The following PTPRS variants were observed in gnomAD, a reference collection of about 807,000 sequenced individuals.
The protein encoded by PTPRS is protein tyrosine phosphatase receptor type S, also known as receptor-type tyrosine-protein phosphatase S.
A neutral mutation model predicts 215.3 loss-of-function variants in PTPRS; 63 were observed. The observed-to-expected ratio is 0.29, with a 90% CI of 0.24 to 0.36. The LOEUF (loss-of-function observed/expected upper bound fraction) is 0.36, where lower values mean the gene tolerates loss of function less well. Ranked by LOEUF, PTPRS falls within the 10% of genes least tolerant of loss-of-function variation. The pLI is 1.00. For missense variants in PTPRS, 2,258 were observed against 2,825.8 expected, an observed-to-expected ratio of 0.80 and a Z score of 4.56; for synonymous variants, 1,404 against 1,191.4, an observed-to-expected ratio of 1.18 and a Z score of -3.68.
In PTPRS at chr19:5,338,657, C is replaced by G. The variant is rs1198072505; in HGVS notation, c.-95+2007G>C. Among the ~76,000 whole-genome samples the G allele has an allele frequency of 6.6e-6, 1 of 150,744 alleles. No homozygotes were observed. On this transcript the variant is annotated intron_variant, in intron 1 of 37. Transcript: ENST00000262963. The surrounding 1 kb of genome is among the most constrained non-coding windows in gnomAD (Gnocchi z 4.2). ...ATATCAGCTGGCAAAGAAAGAAGAG[C>G]AGAGGGACAGAAGGCAGGCGCGATT...
Position 5,310,148 on chromosome 19 carries a change from C to T in PTPRS, c.-94-23914G>A, listed in dbSNP as rs901264589. Among the ~76,000 whole-genome samples, 11 of 152,132 alleles carry T rather than the reference C, an allele frequency of 7.2e-5. 1 individual carries two copies. The highest frequency in any genetic ancestry group is 2.4e-4 in the African/African-American group (10 of 41,428). ...GCGGTCCTGCCTCAGGGCCTTTGCA[C>T]GGGCTGTGCCCTCTGCCTGGAACAC... is the stretch of plus-strand genomic sequence containing the variant. On this transcript the variant is annotated intron_variant, in intron 1 of 37. Transcript: ENST00000262963.
intron 2 of PTPRS, among the ~76,000 whole-genome samples, chr19:5,285,125 A>G (rs1412312422): frequency 6.6e-6 from 1 of 152,224 alleles, no homozygotes; most frequent in Non-Finnish European, 1.5e-5. Context: ...AAATGTCCAC[A>G]TCACAAGAAT....
chr19:5,249,250 G>T (rs1466835694), intron 9 of PTPRS, among the ~76,000 whole-genome samples: 1 of 152,266 alleles, frequency 6.6e-6, no homozygotes, highest in African/African-American at 2.4e-5. Flanking sequence ...GGCAGAGGTT[G>T]CAGTGAACTG....
chr19:5,300,748 A>T (rs2049275707), intron 1 of PTPRS, among the ~76,000 whole-genome samples: 1 of 143,636 alleles, frequency 7.0e-6, no homozygotes, highest in Admixed American at 7.2e-5. Flanking sequence ...AGCCTGGGTG[A>T]TAGAACAAGA....
chr19:5,229,769 TC>T, intron 14 of PTPRS, 85 bp from the exon 15 acceptor site: 2 of 856,410 alleles, frequency 2.3e-6, no homozygotes, highest in Non-Finnish European at 3.1e-6. Flanking sequence ...ACTGTCCGAT[TC>T]CAGGATGCCG....
chr19:5,234,935 C>A (rs987596621), intron 13 of PTPRS, among the ~76,000 whole-genome samples: 5 of 145,220 alleles, frequency 3.4e-5, no homozygotes, highest in Non-Finnish European at 5.9e-5. Context: ...GTTTTCATTT[C>A]TTTCTTTCTT....
At chr19:5,276,890 GACAGGCT>G (rs1159685000) in intron 2 of PTPRS, among the ~76,000 whole-genome samples, 1 of 152,090 alleles carries the variant, frequency 6.6e-6, no homozygotes, top group Non-Finnish European at 1.5e-5. Context: ...CTGCACCTGG[GACAGGCT>G]ACAGTATCTG....
At chr19:5,230,788 T>C (rs186031490) in intron 14 of PTPRS, among the ~76,000 whole-genome samples, 16 of 152,200 alleles carry the variant, frequency 1.1e-4, no homozygotes, top group Middle Eastern at 3.4e-3. Flanking sequence ...TTGGGAAAGG[T>C]GTCTGTCATT....
At chr19:5,280,172 G>A (rs1465216202) in intron 2 of PTPRS, among the ~76,000 whole-genome samples, 1 of 152,140 alleles carries the variant, frequency 6.6e-6, no homozygotes, top group East Asian at 1.9e-4. Flanking sequence ...GTGAGTCCAG[G>A]GGCCACACAG....
At chr19:5,316,547 C>A (rs1379067417) in intron 1 of PTPRS, among the ~76,000 whole-genome samples, 2 of 152,208 alleles carry the variant, frequency 1.3e-5, no homozygotes, top group Admixed American at 1.3e-4. Context: ...CTCACGCCAC[C>A]ACGCCCGGCT....
chr19:5,283,874 A>G (rs769196981), intron 2 of PTPRS, among the ~76,000 whole-genome samples: 1 of 151,404 alleles, frequency 6.6e-6, no homozygotes, highest in Non-Finnish European at 1.5e-5. Context: ...GGAGTTTGAG[A>G]CCAGCCTGGG....
At chr19:5,247,290 G>A (rs371122358) in intron 9 of PTPRS, among the ~76,000 whole-genome samples, 2 of 152,072 alleles carry the variant, frequency 1.3e-5, no homozygotes, top group African/African-American at 4.8e-5. Context: ...GTTTCTTAGC[G>A]GGGAAGTGGA....
chr19:5,335,104 G>A (rs993604736), intron 1 of PTPRS, among the ~76,000 whole-genome samples: 3 of 152,132 alleles, frequency 2.0e-5, no homozygotes, highest in Admixed American at 6.5e-5. Flanking sequence ...ACAGCGCGAC[G>A]ATGGGCCATC....
intron 8 of PTPRS, among the ~76,000 whole-genome samples, chr19:5,256,777 CAG>C (rs1298166885): frequency 2.0e-5 from 3 of 152,088 alleles, no homozygotes; most frequent in African/African-American, 4.8e-5. Context: ...ACCTCCTCCT[CAG>C]AGACAAAATG....
chr19:5,250,840 A>C (rs2044960424), intron 9 of PTPRS, among the ~76,000 whole-genome samples: 1 of 151,348 alleles, frequency 6.6e-6, no homozygotes, highest in East Asian at 2.0e-4. Context: ...GGGAGGAAGG[A>C]AACTCAAAAG....
intron 2 of PTPRS, among the ~76,000 whole-genome samples, chr19:5,283,587 C>A (rs1177196759): frequency 6.6e-6 from 1 of 150,864 alleles, no homozygotes; most frequent in Non-Finnish European, 1.5e-5. Context: ...AAAAAAAAAA[C>A]AAAAGAAAAG....
intron 10 of PTPRS, among the ~76,000 whole-genome samples, chr19:5,245,160 T>C (rs929054138): frequency 3.3e-5 from 5 of 150,954 alleles, no homozygotes; most frequent in Non-Finnish European, 7.4e-5. Context: ...TTTTTTTTTT[T>C]TGTATTTTCA....
At position 5,237,074 on chromosome 19, in the gene PTPRS, C is replaced by G. The variant is rs62115086; in HGVS notation, c.1849+1845G>C. The stretch of plus-strand genomic sequence containing the variant: ...ACTGCTAACTTAAAAGACTTTCTTA[C>G]GAGAGAGGGAACGGCCGAGCGCTGA... On this transcript the variant is annotated intron_variant, in intron 13 of 37. Coordinates refer to ENST00000262963, the MANE Select transcript of PTPRS (RefSeq NM_002850.4). The surrounding 1 kb of genome is among the most constrained non-coding windows in gnomAD (Gnocchi z 4.2). Among the ~76,000 whole-genome samples, 1 of 152,146 alleles carries G rather than the reference C, an allele frequency of 6.6e-6. No individual in the cohort carries two copies. Among genetic ancestry groups the G allele is most frequent in the South Asian group, 2.1e-4 (1 of 4,826 alleles).
At chr19:5,318,896 G>A (rs1351408081) in intron 1 of PTPRS, among the ~76,000 whole-genome samples, 1 of 152,166 alleles carries the variant, frequency 6.6e-6, no homozygotes, top group African/African-American at 2.4e-5. Flanking sequence ...ATTGCTAAGT[G>A]AGAGGCCCAC....
Sources: gnomAD v4.1 joint callset for allele counts (sites outside exome capture counted in the v4.1 genomes callset) on GRCh38, gnomAD v4.1.1 for gene constraint, Gnocchi (gnomAD v3.1) non-coding constraint, MANE v1.5 for transcripts, NCBI Gene and HGNC (gene_info 2026-07-23, HGNC 2026-07-21) for gene names.